The following SRSF1 variants were observed in gnomAD, a reference collection of about 807,000 sequenced individuals.
SRSF1 encodes the protein serine and arginine rich splicing factor 1.
Under a neutral mutation model 25.9 loss-of-function variants are expected in SRSF1, and 1 was observed. The observed-to-expected ratio is 0.04, with a 90% CI of 0.01 to 0.18. The LOEUF (loss-of-function observed/expected upper bound fraction) is 0.18, where lower values mean the gene tolerates loss of function less well. Ranked by LOEUF, SRSF1 falls within the 10% of genes least tolerant of loss-of-function variation. The pLI is 1.00. For missense variants in SRSF1, 65 were observed against 350.5 expected (o/e 0.19, Z 6.50); for synonymous variants, 132 against 126.2 (o/e 1.05, Z -0.31).
downstream of SRSF1, among the ~76,000 whole-genome samples, chr17:57,998,383 ATTG>A (rs1468268210): frequency 6.6e-6 from 1 of 152,132 alleles, no homozygotes; most frequent in East Asian, 1.9e-4. Context: ...AGCCTTAATA[ATTG>A]TTGAAAGCTT....
downstream of SRSF1, among the ~76,000 whole-genome samples, chr17:57,998,172 T>A (rs2075372209): frequency 6.6e-6 from 1 of 152,110 alleles, no homozygotes; most frequent in Non-Finnish European, 1.5e-5. Context: ...ATTGTGCCAC[T>A]ACACTCCAGC....
rs1373297760 is a variant in SRSF1, at chr17:58,001,064, T to G, written c.*4342A>C. Among the ~76,000 whole-genome samples the G allele has an allele frequency of 6.6e-6, 1 of 152,202 alleles. No individual in the cohort carries two copies. Among genetic ancestry groups the G allele is most frequent in the African/African-American group, 2.4e-5 (1 of 41,470 alleles). ...ACTGTGATGGAAATAATGGTTATGT[T>G]ACAACAGAACTTCAGTCTAACAGTT... On this transcript the variant is annotated 3_prime_UTR_variant, in exon 4 of 4. Coordinates refer to ENST00000258962, the MANE Select transcript of SRSF1 (RefSeq NM_006924.5).
chr17:58,006,777 G>T (rs981599433), intron 1 of SRSF1, 167 bp downstream of exon 1: 10 of 955,640 alleles, frequency 1.0e-5, no homozygotes, highest in African/African-American at 1.6e-5. Flanking sequence ...AGGCGCCAGA[G>T]AAGCCACATC....
rs890728967 is a variant in SRSF1, at chr17:58,002,520, C to G, written c.*2886G>C. On this transcript the variant is annotated 3_prime_UTR_variant, in exon 4 of 4. Transcript: ENST00000258962. Reference sequence around the variant, plus strand: ...CCAAGGGGCTGTCAGTAGACAAATACAAGAAGTAGCAGGCTAAAAGTTTTT... The same window carrying G: ...CCAAGGGGCTGTCAGTAGACAAATAGAAGAAGTAGCAGGCTAAAAGTTTTT... Among the ~76,000 whole-genome samples the G allele has an allele frequency of 7.9e-4, 120 of 152,300 alleles. No homozygotes were observed. The highest frequency in any genetic ancestry group is 3.8e-4 in the Non-Finnish European group (26 of 68,022).
the SRSF1 span, chr17:57,989,921 C>T: frequency 7.6e-6 from 3 of 395,706 alleles, no homozygotes; most frequent in Non-Finnish European, 1.3e-5. Context: ...TAAACTAAAA[C>T]CTTTGTGTTC....
At chr17:57,991,184 T>A in the SRSF1 span, 1 of 152,216 alleles carries the variant, frequency 6.6e-6, no homozygotes, top group Non-Finnish European at 1.5e-5. Context: ...AAAGGGCTAA[T>A]GACACATAAC....
intron 1 of SRSF1, 199 bp downstream of exon 1, chr17:58,006,727 CGCTCCAGCCTGCGAATGG>C: frequency 1.1e-6 from 1 of 891,280 alleles, no homozygotes; most frequent in Non-Finnish European, 1.7e-6. Context: ...CTCAGTTTCC[CGCTCCAGCCTGCGAATGG>C]GCTCCGGGGA....
downstream of SRSF1, among the ~76,000 whole-genome samples, chr17:57,998,233 G>C (rs1370027061): frequency 6.6e-6 from 1 of 152,068 alleles, no homozygotes; most frequent in Non-Finnish European, 1.5e-5. Context: ...AAAAAAATGT[G>C]AATGTCACTC....
rs2075419250 is a variant in SRSF1 at position 58,005,276 on chromosome 17, T to G, written c.*130A>C. 1 of 930,994 alleles carries G rather than the reference T, an allele frequency of 1.1e-6. No homozygotes were observed. Among genetic ancestry groups the G allele is most frequent in the Admixed American group, 2.4e-5 (1 of 41,236 alleles). The allele number at this position is 930,994 out of a possible 1,614,324, so 57.7% of individuals were successfully genotyped here. A position where few individuals can be genotyped will look rare whatever the true frequency, so the allele number is the denominator to read the frequency against. ...TGTAGATGTTAGGAGCAAGGGGATATTACAAGAATGCAATTCAACACTTTA... is the reference window on the plus strand; with the variant it reads ...TGTAGATGTTAGGAGCAAGGGGATAGTACAAGAATGCAATTCAACACTTTA... On this transcript the variant is annotated 3_prime_UTR_variant, in exon 4 of 4. Transcript: ENST00000258962. The surrounding 1 kb of genome is among the most constrained non-coding windows in gnomAD (Gnocchi z 5.2).
At chr17:57,997,042 G>A (rs2075368254), downstream of SRSF1, among the ~76,000 whole-genome samples, 1 of 152,174 alleles carries the variant, frequency 6.6e-6, no homozygotes, top group South Asian at 2.1e-4. Context: ...AGCTTCCTCT[G>A]TAAGAAGCTT....
At chr17:57,994,737 C>T in the SRSF1 span, 1 of 152,172 alleles carries the variant, frequency 6.6e-6, no homozygotes, top group Non-Finnish European at 1.5e-5. Context: ...ACTAACTTCC[C>T]AGTTCATAAT....
chr17:58,000,718 C>CTAGTACA (rs2075383740), downstream of SRSF1, among the ~76,000 whole-genome samples: 1 of 152,120 alleles, frequency 6.6e-6, no homozygotes, highest in African/African-American at 2.4e-5. Flanking sequence ...CCTGTGTATG[C>CTAGTACA]TAGTACAGTT....
chr17:57,993,389 C>CAA, the SRSF1 span: 19 of 123,264 alleles, frequency 1.5e-4, no homozygotes, highest in Non-Finnish European at 1.7e-4. Flanking sequence ...GACTCCGTCT[C>CAA]AAAAAAAAAA....
the SRSF1 span, chr17:57,991,114 G>A: frequency 4.6e-5 from 7 of 152,094 alleles, no homozygotes; most frequent in East Asian, 1.9e-4. Context: ...TTTTACTTTC[G>A]CCAAGTGACA....
the SRSF1 span, chr17:57,990,123 GTACT>G: frequency 5.5e-6 from 1 of 181,000 alleles, no homozygotes; most frequent in Non-Finnish European, 1.1e-5. Flanking sequence ...ATGAAAACTA[GTACT>G]TAATGAAGAC....
At position 58,002,683 on chromosome 17, in the gene SRSF1, C is replaced by T. The variant is rs1471285263; in HGVS notation, c.*2723G>A. Among the ~76,000 whole-genome samples the T allele has an allele frequency of 1.3e-5, 2 of 152,142 alleles. No homozygotes were observed. The highest frequency in any genetic ancestry group is 4.8e-5 in the African/African-American group (2 of 41,436). ...CCAAAGAAGCAGTTAATCTTGTGCA[C>T]TCTTCCCTTTCAAAAAAGAAATGAG... is the stretch of plus-strand genomic sequence containing the variant. On this transcript the variant is annotated 3_prime_UTR_variant, in exon 4 of 4. Transcript: ENST00000258962.
the SRSF1 span, chr17:57,994,601 T>G: frequency 6.6e-6 from 1 of 152,146 alleles, no homozygotes; most frequent in Non-Finnish European, 1.5e-5. Flanking sequence ...CACCCAGTAC[T>G]CGATATATCA....
the SRSF1 span, chr17:57,992,013 G>A: frequency 2.6e-5 from 4 of 152,144 alleles, no homozygotes. Context: ...TTGTTTCTAA[G>A]AATGTTCACA....
At position 58,002,363 on chromosome 17, in the gene SRSF1, T is replaced by C. The variant is rs922670770; in HGVS notation, c.*3043A>G. Among the ~76,000 whole-genome samples the C allele has an allele frequency of 6.6e-6, 1 of 152,214 alleles. No individual in the cohort carries two copies. The highest frequency in any genetic ancestry group is 6.5e-5 in the Admixed American group (1 of 15,288). Reference sequence around the variant, plus strand: ...TTACACATTTCTTCCACTACCAAGATTTCTGGTTTTCCTTAGGTTTTTAAT... The same window carrying C: ...TTACACATTTCTTCCACTACCAAGACTTCTGGTTTTCCTTAGGTTTTTAAT... On this transcript the variant is annotated 3_prime_UTR_variant, in exon 4 of 4. Coordinates refer to ENST00000258962, the MANE Select transcript of SRSF1 (RefSeq NM_006924.5).
Sources: gnomAD v4.1 joint callset for allele counts (sites outside exome capture counted in the v4.1 genomes callset) on GRCh38, gnomAD v4.1.1 for gene constraint, Gnocchi (gnomAD v3.1) non-coding constraint, MANE v1.5 for transcripts, NCBI Gene and HGNC (gene_info 2026-07-23, HGNC 2026-07-21) for gene names.